The following SNX25 variants were observed in gnomAD, a reference collection of about 807,000 sequenced individuals.
SNX25 encodes sorting nexin-25.
Under a neutral mutation model 113.7 loss-of-function variants are expected in SNX25, and 62 were observed. That is an observed-to-expected ratio of 0.55 (90% CI 0.44 to 0.67). The LOEUF (loss-of-function observed/expected upper bound fraction) is 0.67, where lower values mean the gene tolerates loss of function less well. SNX25 is among the 30% of genes least tolerant of loss of function. The probability of loss-of-function intolerance (pLI) is 0.00; values close to 1 mark genes in which losing one functional copy is unlikely to be tolerated. For synonymous variants in SNX25, 421 were observed against 436.2 expected, an observed-to-expected ratio of 0.97 and a Z score of 0.43; for missense variants, 1,014 against 1,161.0, an observed-to-expected ratio of 0.87 and a Z score of 1.84.
intron 1 of SNX25, among the ~76,000 whole-genome samples, chr4:185,212,083 G>T (rs1737909681): frequency 6.6e-6 from 1 of 152,072 alleles, no homozygotes; most frequent in African/African-American, 2.4e-5. Context: ...ATAATCTAAG[G>T]AAAATGAATA....
chr4:185,371,061 C>G (rs2095413109), downstream of SNX25: 2 of 389,024 alleles, frequency 5.1e-6, no homozygotes, highest in Admixed American at 3.8e-5. Flanking sequence ...CACTGGAAAA[C>G]AAAGGTATGT....
intron 10 of SNX25, among the ~76,000 whole-genome samples, chr4:185,335,040 C>T (rs2095219919): frequency 6.6e-6 from 1 of 152,084 alleles, no homozygotes; most frequent in African/African-American, 2.4e-5. Context: ...TTAAGATTGG[C>T]CAGGAGTGGT....
intron 1 of SNX25, among the ~76,000 whole-genome samples, chr4:185,238,014 G>T (rs1218370371): frequency 1.6e-5 from 2 of 126,072 alleles, no homozygotes; most frequent in Admixed American, 1.0e-4. Flanking sequence ...AGTGAGCCGA[G>T]ATCACACCAC....
chr4:185,304,456 C>T (rs1248757610), intron 6 of SNX25, among the ~76,000 whole-genome samples: 1 of 152,210 alleles, frequency 6.6e-6, no homozygotes, highest in African/African-American at 2.4e-5. Flanking sequence ...CTCCTGGGTT[C>T]AAGCAATTCC....
At position 185,209,845 on chromosome 4, in the gene SNX25, G is replaced by C. The variant is rs1737457837; in HGVS notation, c.19G>C (p.Asp7His). 1 of 983,380 alleles carries C rather than the reference G, an allele frequency of 1.0e-6. No individual in the cohort carries two copies. The highest frequency in any genetic ancestry group is 1.2e-6 in the Non-Finnish European group (1 of 829,252). 60.9% of individuals were successfully genotyped at this position (983,380 alleles called of 1,614,324 possible). ...AAGCAGCATGCACCCCGATGCGACC[G>C]ACAGTGGCGGCGCCGGCCCCAGCCC... MHPDAT[D>H]SGGAGPSPAR... The change falls in exon 1 of 19, where the codon GAC becomes CAC. Residue 7 changes from aspartate to histidine, a missense_variant. Coordinates refer to ENST00000652585, the MANE Select transcript of SNX25 (RefSeq NM_001378034.2). This position sits in a 1 kb window ranked among gnomAD's most constrained non-coding sequence, Gnocchi z 5.2.
the SNX25 span, chr4:185,376,804 G>C: frequency 1.3e-6 from 1 of 744,860 alleles, no homozygotes; most frequent in Non-Finnish European, 2.3e-6. Flanking sequence ...TAATTGGACA[G>C]AATTTCCCTA....
intron 1 of SNX25, among the ~76,000 whole-genome samples, chr4:185,225,119 T>C (rs1342634736): frequency 7.4e-6 from 1 of 135,478 alleles, no homozygotes; most frequent in African/African-American, 2.6e-5. Context: ...CTATGTCTTC[T>C]TTTTTTTTTT....
intron 1 of SNX25, among the ~76,000 whole-genome samples, chr4:185,224,871 G>A (rs1304055830): frequency 6.6e-6 from 1 of 151,380 alleles, no homozygotes; most frequent in Admixed American, 6.6e-5. Flanking sequence ...AATGTTTCAG[G>A]CTCATTTTGA....
At chr4:185,287,950 T>G in intron 5 of SNX25, 62 bp from the exon 6 acceptor site, 1 of 1,353,326 alleles carries the variant, frequency 7.4e-7, no homozygotes, top group South Asian at 1.2e-5. Flanking sequence ...AGTCTAAAGT[T>G]ATTTCTGAAA....
chr4:185,246,881 A>G (rs1039731513), intron 1 of SNX25, among the ~76,000 whole-genome samples: 2 of 152,306 alleles, frequency 1.3e-5, no homozygotes, highest in African/African-American at 4.8e-5. Context: ...TTATATACAG[A>G]ATGTAAGACC....
intron 6 of SNX25, among the ~76,000 whole-genome samples, chr4:185,296,295 C>G (rs1298329498): frequency 2.6e-5 from 4 of 152,124 alleles, no homozygotes; most frequent in African/African-American, 9.7e-5. Flanking sequence ...ACCGTATTGC[C>G]TTTGTTCAGG....
At chr4:185,292,603 A>C (rs775889290) in intron 6 of SNX25, among the ~76,000 whole-genome samples, 1 of 152,030 alleles carries the variant, frequency 6.6e-6, no homozygotes, top group Non-Finnish European at 1.5e-5. Context: ...GGGTTTCACC[A>C]TGTTGGCCAG....
chr4:185,309,582 C>T (rs996722884), intron 6 of SNX25, among the ~76,000 whole-genome samples: 2 of 152,116 alleles, frequency 1.3e-5, no homozygotes, highest in Non-Finnish European at 2.9e-5. Context: ...AACCTAGGAG[C>T]CATATTTGAT....
intron 2 of SNX25, among the ~76,000 whole-genome samples, chr4:185,255,538 G>A (rs1746291706): frequency 6.6e-6 from 1 of 152,154 alleles, no homozygotes; most frequent in South Asian, 2.1e-4. Flanking sequence ...GGCCTCACTC[G>A]TTGGTTCTGT....
chr4:185,370,927 T>C, downstream of SNX25: 1 of 1,164,538 alleles, frequency 8.6e-7, no homozygotes. Flanking sequence ...TCTACTGCTT[T>C]GAGAACTAAG....
At chr4:185,347,276 G>A (rs926652931) in intron 13 of SNX25, among the ~76,000 whole-genome samples, 6 of 152,174 alleles carry the variant, frequency 3.9e-5, no homozygotes, top group African/African-American at 1.4e-4. Flanking sequence ...GATGCCCAGA[G>A]ATTAGGATTT....
At chr4:185,292,065 G>T (rs562800412) in intron 6 of SNX25, among the ~76,000 whole-genome samples, 1 of 152,018 alleles carries the variant, frequency 6.6e-6, no homozygotes, top group Non-Finnish European at 1.5e-5. Context: ...GTTAATTCTG[G>T]TATCACTATT....
intron 8 of SNX25, among the ~76,000 whole-genome samples, chr4:185,322,171 G>A (rs189389423): frequency 1.6e-4 from 24 of 152,316 alleles, no homozygotes; most frequent in East Asian, 7.7e-4. Flanking sequence ...GGTGGCTCAC[G>A]CCTGTAATCC....
intron 5 of SNX25, among the ~76,000 whole-genome samples, chr4:185,274,792 A>C (rs1326457060): frequency 6.6e-6 from 1 of 152,194 alleles, no homozygotes; most frequent in African/African-American, 2.4e-5. Context: ...TAACAAGCAT[A>C]TGAATTAGGT....
Sources: allele counts gnomAD v4.1 joint callset (sites outside exome capture counted in the v4.1 genomes callset), GRCh38; gene constraint gnomAD v4.1.1; non-coding constraint Gnocchi (gnomAD v3.1); transcripts MANE v1.5; gene names NCBI Gene and HGNC (gene_info 2026-07-23, HGNC 2026-07-21).